The following HDGFL3 variants were observed in gnomAD, a reference collection of about 807,000 sequenced individuals.
HDGFL3 encodes hepatoma-derived growth factor-related protein 3.
HDGFL3 carries 6 observed loss-of-function variants against 27.6 expected under a neutral mutation model. That is an observed-to-expected ratio of 0.22 (90% CI 0.12 to 0.43). The LOEUF is 0.43. Among genes scored for constraint, HDGFL3 ranks in the 20% least tolerant of loss-of-function variants. The probability of loss-of-function intolerance (pLI) is 1.00; values close to 1 mark genes in which losing one functional copy is unlikely to be tolerated. For missense variants in HDGFL3, 207 were observed against 250.1 expected (o/e 0.83, Z 1.16); for synonymous variants, 88 against 88.9 (o/e 0.99, Z 0.05).
chr15:83,169,306 A>G (rs1318583755), intron 1 of HDGFL3: 1 of 381,880 alleles, frequency 2.6e-6, no homozygotes, highest in Non-Finnish European at 5.2e-6. Flanking sequence ...TAAGGCAAAT[A>G]AGAAAAGAAG....
chr15:83,115,801 C>T (rs753055836), intron 3 of HDGFL3: 6 of 1,292,280 alleles, frequency 4.6e-6, no homozygotes, highest in Non-Finnish European at 4.5e-6. Flanking sequence ...TAGTAATTGT[C>T]TCCTGAGCTA....
Position 83,135,783 on chromosome 15 carries a change from C to T in HDGFL3, c.*3487G>A, listed in dbSNP as rs1162358604. On this transcript the variant is annotated 3_prime_UTR_variant, in exon 6 of 6. Coordinates refer to ENST00000299633, the MANE Select transcript of HDGFL3 (RefSeq NM_016073.4). ...TTATAATTTGATTTAAAAAGGTTGC[C>T]TGCATGTACATTTGCCATTTTACAA... 1 of 152,160 alleles carries T rather than the reference C, an allele frequency of 6.6e-6. No individual in the cohort carries two copies. The highest frequency in any genetic ancestry group is 1.5e-5 in the Non-Finnish European group (1 of 68,030). 9.4% of individuals were successfully genotyped at this position (152,160 alleles called of 1,614,324 possible).
chr15:83,187,275 G>A (rs8036239), intron 1 of HDGFL3, among the ~76,000 whole-genome samples: 3,467 of 151,194 alleles, frequency 0.023, 127 homozygotes, highest in African/African-American at 0.08. Context: ...TTATAACAAA[G>A]TATGCTTTTC....
At chr15:83,123,451 C>G (rs2035453737), downstream of HDGFL3, among the ~76,000 whole-genome samples, 1 of 152,170 alleles carries the variant, frequency 6.6e-6, no homozygotes, top group Non-Finnish European at 1.5e-5. Flanking sequence ...CATTTCTAAG[C>G]TAGTTTCTCT....
chr15:83,202,265 AG>A (rs2037656892), intron 1 of HDGFL3, among the ~76,000 whole-genome samples: 1 of 152,192 alleles, frequency 6.6e-6, no homozygotes, highest in Admixed American at 6.5e-5. Context: ...GCTCAACAAA[AG>A]TTCAGTAAGA....
At chr15:83,206,021 A>G (rs2037711120) in intron 1 of HDGFL3, among the ~76,000 whole-genome samples, 1 of 152,198 alleles carries the variant, frequency 6.6e-6, no homozygotes, top group African/African-American at 2.4e-5. Context: ...GCAGCAATGG[A>G]TATGCAGACA....
chr15:83,119,530 A>C (rs757195024), intron 3 of HDGFL3: 1 of 1,597,846 alleles, frequency 6.3e-7, no homozygotes, highest in Non-Finnish European at 8.6e-7. Flanking sequence ...GATGTTCTGC[A>C]TTTACAGGTC....
chr15:83,153,815 G>A, intron 4 of HDGFL3, among the ~76,000 whole-genome samples: 1 of 152,094 alleles, frequency 6.6e-6, no homozygotes, highest in East Asian at 1.9e-4. Context: ...CTGCTAAAGA[G>A]AGAAGACATA....
chr15:83,141,231 A>T (rs2036764411), intron 5 of HDGFL3, among the ~76,000 whole-genome samples: 2 of 152,120 alleles, frequency 1.3e-5, no homozygotes, highest in Non-Finnish European at 2.9e-5. Context: ...GTTGCCATGC[A>T]CCCCTATATT....
At chr15:83,204,159 G>A (rs2077601387) in intron 1 of HDGFL3, among the ~76,000 whole-genome samples, 3 of 151,384 alleles carry the variant, frequency 2.0e-5, no homozygotes, top group Admixed American at 2.0e-4. Flanking sequence ...ACCTTGGTAG[G>A]TATTATGTCA....
intron 5 of HDGFL3, among the ~76,000 whole-genome samples, chr15:83,147,671 G>A (rs957082455): frequency 7.9e-5 from 12 of 152,182 alleles, no homozygotes; most frequent in African/African-American, 2.6e-4. Flanking sequence ...GATGCACTGC[G>A]GATCAGAGAA....
intron 4 of HDGFL3, 64 bp from the exon 5 acceptor site, chr15:83,151,425 A>G: frequency 7.2e-7 from 1 of 1,385,328 alleles, no homozygotes. Context: ...CAAGTAAGAG[A>G]TGCAGAAATA....
chr15:83,167,275 G>T (rs1259432694), intron 1 of HDGFL3, among the ~76,000 whole-genome samples: 1 of 152,230 alleles, frequency 6.6e-6, no homozygotes, highest in African/African-American at 2.4e-5. Flanking sequence ...GACAAAGAAG[G>T]CTGAGCGTGG....
At chr15:83,202,238 C>T (rs1229118723) in intron 1 of HDGFL3, among the ~76,000 whole-genome samples, 2 of 152,078 alleles carry the variant, frequency 1.3e-5, no homozygotes, top group Non-Finnish European at 2.9e-5. Context: ...TACCCCTGTG[C>T]CTTACATACA....
At chr15:83,140,233 T>A (rs1015660606) in intron 5 of HDGFL3, among the ~76,000 whole-genome samples, 23 of 152,064 alleles carry the variant, frequency 1.5e-4, no homozygotes, top group African/African-American at 5.5e-4. Flanking sequence ...AAAACTTCCA[T>A]CCCCCTAAGA....
rs969132161 is a variant in HDGFL3 at position 83,134,965 on chromosome 15, C to A, written c.*4305G>T. ...CTCTCAAGGCATTTTGTCCTCAGAG[C>A]CCAGAGATGCATATACATTTGCTGG... On this transcript the variant is annotated 3_prime_UTR_variant, in exon 6 of 6. Transcript: ENST00000299633. 4.6e-5 allele frequency: 7 copies of A among 152,210 alleles called. No individual in the cohort carries two copies. Among genetic ancestry groups the A allele is most frequent in the African/African-American group, 1.7e-4 (7 of 41,448 alleles). The allele number at this position is 152,210 out of a possible 1,614,324, so 9.4% of individuals were successfully genotyped here.
chr15:83,204,657 G>C (rs1055798985), intron 1 of HDGFL3, among the ~76,000 whole-genome samples: 3 of 152,180 alleles, frequency 2.0e-5, no homozygotes, highest in African/African-American at 7.2e-5. Flanking sequence ...AAATAGTGTA[G>C]TGATACAAAG....
In HDGFL3 at chr15:83,196,921, T is replaced by C. The variant is rs76373906; in HGVS notation, c.84+10410A>G. 1.0e-2 allele frequency among the ~76,000 whole-genome samples: 1,522 copies of C among 152,320 alleles called. 10 individuals carry two copies. Among genetic ancestry groups the C allele is most frequent in the Middle Eastern group, 0.02 (6 of 294 alleles). ...AGGGGGAAAGGCTGGAAGAGAATAG[T>C]AAATGTATCTACTAACATCTGAGGA... On this transcript the variant is annotated intron_variant, in intron 1 of 5. Coordinates refer to ENST00000299633, the MANE Select transcript of HDGFL3 (RefSeq NM_016073.4).
At chr15:83,187,706 T>A (rs1405724813) in intron 1 of HDGFL3, among the ~76,000 whole-genome samples, 5 of 151,926 alleles carry the variant, frequency 3.3e-5, no homozygotes, top group Admixed American at 2.6e-4. Context: ...CTGACCAACA[T>A]GGAGAAACCC....
Sources: gnomAD v4.1 joint callset for allele counts (sites outside exome capture counted in the v4.1 genomes callset) on GRCh38, gnomAD v4.1.1 for gene constraint, MANE v1.5 for transcripts, NCBI Gene and HGNC (gene_info 2026-07-23, HGNC 2026-07-21) for gene names.